EID1: variants seen among roughly 807,000 people sequenced by gnomAD.
EID1 encodes the protein EP300 interacting inhibitor of differentiation 1.
Under a neutral mutation model 13.7 loss-of-function variants are expected in EID1, and 3 were observed. The ratio of observed to expected loss-of-function variants is 0.22; its 90% CI spans 0.10 to 0.57. EID1 has a LOEUF of 0.57. Ranked by LOEUF, EID1 falls within the 20% of genes least tolerant of loss-of-function variation. The pLI is 0.92. For missense variants in EID1, 261 were observed against 247.6 expected (o/e 1.05, Z -0.36); for synonymous variants, 105 against 97.6 (o/e 1.08, Z -0.44).
At position 48,878,614 on chromosome 15, in the gene EID1, G is replaced by C. The variant is rs745710358; in HGVS notation, c.438G>C (p.Gly146=). ...LRTREPALDG[G]FQMHYEKTPF... is the part of the protein sequence containing the mutation. Reference sequence around the variant, plus strand: ...CAAGAGAACCAGCCCTGGATGGCGGGTTTCAGATGCATTATGAGAAGACCC... The same window carrying C: ...CAAGAGAACCAGCCCTGGATGGCGGCTTTCAGATGCATTATGAGAAGACCC... Residue 146 remains glycine (G), a synonymous_variant, in exon 1 of 1, where the codon GGG becomes GGC. Transcript: ENST00000530028. 1.9e-6 allele frequency: 3 copies of C among 1,614,070 alleles called. No homozygotes were observed. The highest frequency in any genetic ancestry group is 2.5e-6 in the Non-Finnish European group (3 of 1,179,906).
rs1899861823 is a variant in EID1 at position 48,878,283 on chromosome 15, G to A, written c.107G>A (p.Gly36Glu). The A allele has an allele frequency of 6.2e-7, 1 of 1,613,546 alleles. No individual in the cohort carries two copies. The highest frequency in any genetic ancestry group is 1.1e-5 in the South Asian group (1 of 91,038). Residue 36 changes from glycine (G) to glutamate (E), a missense_variant, in exon 1 of 1, where the codon GGG (glycine) becomes GAG (glutamate). Physicochemically the swap from Gly to Glu is moderately conservative, Grantham distance 98 (BLOSUM62 -2). Around this residue, in one of 2 missense-constraint regions of EID1, gnomAD observed 244 missense variants for 210.8 expected, o/e 1.16. Coordinates refer to ENST00000530028, the MANE Select transcript of EID1 (RefSeq NM_014335.3). ...GDLPQMEVGSGSRELSLRPSR... is the reference protein window; with the variant it reads ...GDLPQMEVGSESRELSLRPSR... Reference sequence around the variant, plus strand: ...CTTCCGCAGATGGAGGTAGGCAGCGGGAGCCGGGAGCTATCCCTGCGTCCC... The same window carrying A: ...CTTCCGCAGATGGAGGTAGGCAGCGAGAGCCGGGAGCTATCCCTGCGTCCC...
At position 48,878,215 on chromosome 15, in the gene EID1, G is replaced by A; in HGVS notation, c.39G>A (p.Glu13=). The stretch of plus-strand genomic sequence containing the variant: ...CTGAGTTGTCCGAGCTGTATGAAGA[G>A]AGCAGTGACCTGCAGATGGATGTGA... ...EMAELSELYE[E]SSDLQMDVMP... is the part of the protein sequence containing the mutation. The change falls in exon 1 of 1, where the codon GAG becomes GAA. Residue 13 remains glutamate, a synonymous_variant. Transcript: ENST00000530028. 1 of 1,598,190 alleles carries A rather than the reference G, an allele frequency of 6.3e-7. No individual in the cohort carries two copies. Among genetic ancestry groups the A allele is most frequent in the Non-Finnish European group, 8.5e-7 (1 of 1,170,870 alleles).
rs1899909319 is a variant in EID1, at chr15:48,880,005, T to G, written c.*1265T>G. On this transcript the variant is annotated 3_prime_UTR_variant, in exon 1 of 1. Coordinates refer to ENST00000530028, the MANE Select transcript of EID1 (RefSeq NM_014335.3). ...GGAAAACCTGCCCTATCAATGAGTATGTTGCCGTGGTTACCTTACTAAGAT... is the reference window on the plus strand; with the variant it reads ...GGAAAACCTGCCCTATCAATGAGTAGGTTGCCGTGGTTACCTTACTAAGAT... 1 of 167,138 alleles carries G rather than the reference T, an allele frequency of 6.0e-6. No individual in the cohort carries two copies. Among genetic ancestry groups the G allele is most frequent in the African/African-American group, 2.4e-5 (1 of 41,464 alleles). 10.4% of individuals were successfully genotyped at this position (167,138 alleles called of 1,614,324 possible).
chr15:48,878,841 G>A lies in EID1; in HGVS notation c.*101G>A, dbSNP rs1460856899. The A allele has an allele frequency of 1.7e-6, 2 of 1,206,990 alleles. No homozygotes were observed. The highest frequency in any genetic ancestry group is 1.1e-6 in the Non-Finnish European group (1 of 874,682). The allele number at this position is 1,206,990 out of a possible 1,614,324, so 74.8% of individuals were successfully genotyped here. ...ATAGTTTTGTGCCATTGAAAAACTTGACCTTCAAAAAAATTTGTTTTTCAG... is the reference window on the plus strand; with the variant it reads ...ATAGTTTTGTGCCATTGAAAAACTTAACCTTCAAAAAAATTTGTTTTTCAG... On this transcript the variant is annotated 3_prime_UTR_variant, in exon 1 of 1. Transcript: ENST00000530028.
Position 48,878,360 on chromosome 15 carries a change from G to A in EID1, c.184G>A (p.Glu62Lys), listed in dbSNP as rs766365825. 8.5e-5 allele frequency: 137 copies of A among 1,613,298 alleles called. 1 individual carries two copies. The highest frequency in any genetic ancestry group is 2.5e-4 in the South Asian group (23 of 91,062). Reference protein sequence around the residue: ...LEEEGPMEEEEAQPMAAPEGK... With the variant: ...LEEEGPMEEEKAQPMAAPEGK... ...GGAGGAAGGCCCAATGGAGGAGGAGGAGGCCCAGCCAATGGCGGCGCCAGA... is the reference window on the plus strand; with the variant it reads ...GGAGGAAGGCCCAATGGAGGAGGAGAAGGCCCAGCCAATGGCGGCGCCAGA... Residue 62 changes from glutamate (E) to lysine (K), a missense_variant, in exon 1 of 1, where the codon GAG (glutamate) becomes AAG (lysine). Glu to Lys is a moderately conservative substitution (Grantham distance 56). Transcript: ENST00000530028.
rs1899895504 is a variant in EID1, at chr15:48,879,401, A to C, written c.*661A>C. 1 of 167,140 alleles carries C rather than the reference A, an allele frequency of 6.0e-6. No homozygotes were observed. Among genetic ancestry groups the C allele is most frequent in the African/African-American group, 2.4e-5 (1 of 41,478 alleles). 10.4% of individuals were successfully genotyped at this position (167,140 alleles called of 1,614,324 possible). On this transcript the variant is annotated 3_prime_UTR_variant, in exon 1 of 1. Coordinates refer to ENST00000530028, the MANE Select transcript of EID1 (RefSeq NM_014335.3). The stretch of plus-strand genomic sequence containing the variant: ...TAAAGCCACTGTGATCTATAAATCA[A>C]GAAAATCCATTGTCATAACCATTTT...
At position 48,879,304 on chromosome 15, in the gene EID1, T is replaced by C. The variant is rs1325042810; in HGVS notation, c.*564T>C. 6.0e-6 allele frequency: 1 copy of C among 167,580 alleles called. No homozygotes were observed. The highest frequency in any genetic ancestry group is 6.5e-5 in the Admixed American group (1 of 15,350). 10.4% of individuals were successfully genotyped at this position (167,580 alleles called of 1,614,324 possible). A position where few individuals can be genotyped will look rare whatever the true frequency, so the allele number is the denominator to read the frequency against. On this transcript the variant is annotated 3_prime_UTR_variant, in exon 1 of 1. Transcript: ENST00000530028. ...TGAGTAAACTCAAATATGTATCACGTGTGCTTTGTATCTTAAGATGTGTTT... is the reference window on the plus strand; with the variant it reads ...TGAGTAAACTCAAATATGTATCACGCGTGCTTTGTATCTTAAGATGTGTTT...
In EID1 at chr15:48,878,827, C is replaced by A; in HGVS notation, c.*87C>A. On this transcript the variant is annotated 3_prime_UTR_variant, in exon 1 of 1. Transcript: ENST00000530028. Reference sequence around the variant, plus strand: ...TGGGTTCATTCCAAATAGTTTTGTGCCATTGAAAAACTTGACCTTCAAAAA... The same window carrying A: ...TGGGTTCATTCCAAATAGTTTTGTGACATTGAAAAACTTGACCTTCAAAAA... 1.5e-6 allele frequency: 2 copies of A among 1,343,268 alleles called. No homozygotes were observed. Among genetic ancestry groups the A allele is most frequent in the Non-Finnish European group, 2.0e-6 (2 of 993,748 alleles). 83.2% of individuals were successfully genotyped at this position (1,343,268 alleles called of 1,614,324 possible).
chr15:48,878,173 C>T lies in EID1; in HGVS notation c.-4C>T, dbSNP rs767143351. ...TTTTTCCTAGAGGTTGAGCGGTTTGCACAATGTCGGAAATGGCTGAGTTGT... is the reference window on the plus strand; with the variant it reads ...TTTTTCCTAGAGGTTGAGCGGTTTGTACAATGTCGGAAATGGCTGAGTTGT... On this transcript the variant is annotated 5_prime_UTR_variant, in exon 1 of 1. Coordinates refer to ENST00000530028, the MANE Select transcript of EID1 (RefSeq NM_014335.3). 4.5e-6 allele frequency: 7 copies of T among 1,548,276 alleles called. No individual in the cohort carries two copies. The highest frequency in any genetic ancestry group is 2.3e-5 in the East Asian group (1 of 44,174).
chr15:48,879,951 G>A lies in EID1; in HGVS notation c.*1211G>A, dbSNP rs1192680502. The stretch of plus-strand genomic sequence containing the variant: ...CTGGAAATTAAACTTTGTAAATTAA[G>A]TTTTTGCCTATAAGAATTTGCTGGT... On this transcript the variant is annotated 3_prime_UTR_variant, in exon 1 of 1. Transcript: ENST00000530028. 1 of 167,106 alleles carries A rather than the reference G, an allele frequency of 6.0e-6. No homozygotes were observed. The highest frequency in any genetic ancestry group is 1.9e-4 in the East Asian group (1 of 5,208). 10.4% of individuals were successfully genotyped at this position (167,106 alleles called of 1,614,324 possible).
At position 48,879,022 on chromosome 15, in the gene EID1, C is replaced by T. The variant is rs919489363; in HGVS notation, c.*282C>T. The T allele has an allele frequency of 6.1e-6, 2 of 325,206 alleles. No individual in the cohort carries two copies. Among genetic ancestry groups the T allele is most frequent in the African/African-American group, 4.3e-5 (2 of 46,984 alleles). 20.1% of individuals were successfully genotyped at this position (325,206 alleles called of 1,614,324 possible). A position where few individuals can be genotyped will look rare whatever the true frequency, so the allele number is the denominator to read the frequency against. ...TTTGTTATTGATCCAGATTATTTTC[C>T]TTGCATTGGGGAAAATATCTTTCAT... is the stretch of plus-strand genomic sequence containing the variant. On this transcript the variant is annotated 3_prime_UTR_variant, in exon 1 of 1. Coordinates refer to ENST00000530028, the MANE Select transcript of EID1 (RefSeq NM_014335.3).
chr15:48,878,335 G>T lies in EID1; in HGVS notation c.159G>T (p.Glu53Asp). Residue 53 changes from glutamate to aspartate, a missense_variant, in exon 1 of 1, where the codon GAG becomes GAT. Glu to Asp is a conservative substitution (Grantham distance 45). This residue lies in a region of EID1 where 244 missense variants were observed against 210.8 expected (regional missense o/e 1.16). Coordinates refer to ENST00000530028, the MANE Select transcript of EID1 (RefSeq NM_014335.3). ...CCCGCAGCGGGGCCCAACAGCTCGA[G>T]GAGGAAGGCCCAATGGAGGAGGAGG... The part of the protein sequence containing the change: ...RPSRSGAQQL[E>D]EEGPMEEEEA... 1 of 1,613,642 alleles carries T rather than the reference G, an allele frequency of 6.2e-7. No individual in the cohort carries two copies. Among genetic ancestry groups the T allele is most frequent in the Non-Finnish European group, 8.5e-7 (1 of 1,179,640 alleles).
Position 48,878,552 on chromosome 15 carries a change from G to C in EID1, c.376G>C (p.Ala126Pro). 1 of 1,614,084 alleles carries C rather than the reference G, an allele frequency of 6.2e-7. No individual in the cohort carries two copies. The highest frequency in any genetic ancestry group is 8.5e-7 in the Non-Finnish European group (1 of 1,179,910). The change falls in exon 1 of 1, where the codon GCC (alanine) becomes CCC (proline). Residue 126 changes from alanine (A) to proline (P), a missense_variant. Ala to Pro is a conservative substitution (Grantham distance 27, BLOSUM62 -1). Coordinates refer to ENST00000530028, the MANE Select transcript of EID1 (RefSeq NM_014335.3). The part of the protein sequence containing the change: ...QLSGAGYRVS[A>P]ALEEADKMFL... ...CAGTGGTGCCGGCTACAGAGTATCA[G>C]CCGCTCTTGAAGAAGCCGACAAGAT...
chr15:48,879,421 C>T lies in EID1; in HGVS notation c.*681C>T, dbSNP rs1899895804. 1 of 167,030 alleles carries T rather than the reference C, an allele frequency of 6.0e-6. No individual in the cohort carries two copies. The highest frequency in any genetic ancestry group is 1.5e-5 in the Non-Finnish European group (1 of 68,102). 10.3% of individuals were successfully genotyped at this position (167,030 alleles called of 1,614,324 possible). ...AATCAAGAAAATCCATTGTCATAAC[C>T]ATTTTTAAAAGTCAAAAATTAAGAC... On this transcript the variant is annotated 3_prime_UTR_variant, in exon 1 of 1. Coordinates refer to ENST00000530028, the MANE Select transcript of EID1 (RefSeq NM_014335.3).
chr15:48,878,476 G>C lies in EID1; in HGVS notation c.300G>C (p.Glu100Asp). 1 of 1,613,902 alleles carries C rather than the reference G, an allele frequency of 6.2e-7. No homozygotes were observed. The highest frequency in any genetic ancestry group is 8.5e-7 in the Non-Finnish European group (1 of 1,179,816). ...GADFESEDEG[E>D]EFDDWEDDYD... is the part of the protein sequence containing the mutation. ...ACTTCGAGAGCGAGGACGAGGGCGA[G>C]GAATTTGATGACTGGGAGGACGACT... Residue 100 changes from glutamate (E) to aspartate (D), a missense_variant, in exon 1 of 1, where the codon GAG becomes GAC. Physicochemically the swap from Glu to Asp is conservative, Grantham distance 45 (BLOSUM62 2). This residue lies in a region of EID1 where 244 missense variants were observed against 210.8 expected (regional missense o/e 1.16). Transcript: ENST00000530028.
chr15:48,878,968 G>A lies in EID1; in HGVS notation c.*228G>A. On this transcript the variant is annotated 3_prime_UTR_variant, in exon 1 of 1. Transcript: ENST00000530028. ...TAAGACCGTTGAAATCAATTATCAA[G>A]AACGTCCTAAAACACCTATGGCTTT... 2.2e-6 allele frequency: 1 copy of A among 460,616 alleles called. No homozygotes were observed. The highest frequency in any genetic ancestry group is 4.0e-6 in the Non-Finnish European group (1 of 250,704). 28.5% of individuals were successfully genotyped at this position (460,616 alleles called of 1,614,324 possible). A position where few individuals can be genotyped will look rare whatever the true frequency, so the allele number is the denominator to read the frequency against.
chr15:48,878,506 C>T lies in EID1; in HGVS notation c.330C>T (p.Asp110=), dbSNP rs2140998971. Residue 110 remains aspartate (D), a synonymous_variant, in exon 1 of 1, where the codon GAC becomes GAT. Transcript: ENST00000530028. ...EEFDDWEDDY[D]YPEEEQLSGA... is the part of the protein sequence containing the mutation. ...TTGATGACTGGGAGGACGACTACGA[C>T]TATCCCGAAGAGGAGCAGCTCAGTG... The T allele has an allele frequency of 1.9e-6, 3 of 1,614,044 alleles. No individual in the cohort carries two copies. In the African/African-American group the frequency reaches 4.0e-5, roughly 22 times the overall value.
chr15:48,878,290 G>A lies in EID1; in HGVS notation c.114G>A (p.Arg38=). The change falls in exon 1 of 1, where the codon CGG becomes CGA. Residue 38 remains arginine, a synonymous_variant. Transcript: ENST00000530028. The stretch of plus-strand genomic sequence containing the variant: ...AGATGGAGGTAGGCAGCGGGAGCCG[G>A]GAGCTATCCCTGCGTCCCTCCCGCA... ...LPQMEVGSGS[R]ELSLRPSRSG... 1 of 1,613,754 alleles carries A rather than the reference G, an allele frequency of 6.2e-7. No homozygotes were observed. Among genetic ancestry groups the A allele is most frequent in the Non-Finnish European group, 8.5e-7 (1 of 1,179,746 alleles).
In EID1 at chr15:48,878,321, G is replaced by A. The variant is rs746356498; in HGVS notation, c.145G>A (p.Ala49Thr). The A allele has an allele frequency of 6.2e-6, 10 of 1,613,544 alleles. No individual in the cohort carries two copies. Among genetic ancestry groups the A allele is most frequent in the South Asian group, 4.4e-5 (4 of 91,056 alleles). The change falls in exon 1 of 1, where the codon GCC becomes ACC. Residue 49 changes from alanine to threonine, a missense_variant. Transcript: ENST00000530028. ...ELSLRPSRSG[A>T]QQLEEEGPME... ...ATCCCTGCGTCCCTCCCGCAGCGGG[G>A]CCCAACAGCTCGAGGAGGAAGGCCC... is the stretch of plus-strand genomic sequence containing the variant.
Sources: allele counts gnomAD v4.1 joint callset, GRCh38; gene constraint gnomAD v4.1.1; regional missense constraint gnomAD v4.1.1; transcripts MANE v1.5; gene names NCBI Gene and HGNC (gene_info 2026-07-23, HGNC 2026-07-21).